PPIG: variants seen among roughly 807,000 people sequenced by gnomAD.
The protein encoded by PPIG is peptidylprolyl isomerase G.
Under a neutral mutation model 87.9 loss-of-function variants are expected in PPIG, and 26 were observed. The ratio of observed to expected loss-of-function variants is 0.30; its 90% CI spans 0.22 to 0.41. The LOEUF is 0.41. Among genes scored for constraint, PPIG ranks in the 10% least tolerant of loss-of-function variants. The probability of loss-of-function intolerance (pLI) is 1.00; values close to 1 mark genes in which losing one functional copy is unlikely to be tolerated. For missense variants in PPIG, 722 were observed against 879.4 expected (o/e 0.82, Z 2.26); for synonymous variants, 308 against 276.5 (o/e 1.11, Z -1.13).
intron 12 of PPIG, among the ~76,000 whole-genome samples, chr2:169,634,924 A>G (rs1426816954): frequency 6.6e-6 from 1 of 152,198 alleles, no homozygotes; most frequent in Non-Finnish European, 1.5e-5. Flanking sequence ...GGTTATATCT[A>G]TCAATATTTA....
chr2:169,599,335 T>C (rs896921920), intron 1 of PPIG, among the ~76,000 whole-genome samples: 1 of 152,212 alleles, frequency 6.6e-6, no homozygotes, highest in Non-Finnish European at 1.5e-5. Context: ...TACAATTATC[T>C]TTTTTCATGT....
intron 6 of PPIG, 132 bp downstream of exon 6, chr2:169,607,280 T>G: frequency 1.9e-6 from 1 of 537,110 alleles, no homozygotes; most frequent in Non-Finnish European, 3.1e-6. Context: ...ATCTGAAGGT[T>G]AATTTTCTGG....
At chr2:169,625,993 A>C (rs1228915833) in intron 9 of PPIG, among the ~76,000 whole-genome samples, 1 of 151,972 alleles carries the variant, frequency 6.6e-6, no homozygotes, top group Non-Finnish European at 1.5e-5. Context: ...CTTGCCTGCC[A>C]CTCACCTTCT....
At chr2:169,611,033 AC>A (rs1476127454) in intron 7 of PPIG, among the ~76,000 whole-genome samples, 1 of 152,102 alleles carries the variant, frequency 6.6e-6, no homozygotes, top group Non-Finnish European at 1.5e-5. Context: ...ACATGGTGAA[AC>A]CCAGTCTCTA....
rs1300920909 is a variant in PPIG at position 169,631,069 on chromosome 2, T to A, written c.761+82T>A. Reference sequence around the variant, plus strand: ...CTGTTAGGATTTTGGGTCAATTATATGAAACTGTTAAAATAGTGAGAAATA... The same window carrying A: ...CTGTTAGGATTTTGGGTCAATTATAAGAAACTGTTAAAATAGTGAGAAATA... On this transcript the variant is annotated intron_variant, in intron 10 of 13. Transcript: ENST00000260970. 3.2e-6 allele frequency: 4 copies of A among 1,241,596 alleles called. No homozygotes were observed. In the East Asian group the frequency reaches 7.6e-5, roughly 24 times the overall value. The allele number at this position is 1,241,596 out of a possible 1,614,324, so 76.9% of individuals were successfully genotyped here. A position where few individuals can be genotyped will look rare whatever the true frequency, so the allele number is the denominator to read the frequency against.
In PPIG at chr2:169,641,069, G is replaced by A. The variant is rs1344549585; in HGVS notation, c.*3546G>A. ...GCTGTATATTTTCTTCCCCTTTTGT[G>A]TGTATATAGTATTTTGAAAGATAAA... On this transcript the variant is annotated 3_prime_UTR_variant, in exon 14 of 14. Transcript: ENST00000260970. 3 of 152,090 alleles carry A rather than the reference G, an allele frequency of 2.0e-5. No homozygotes were observed. Among genetic ancestry groups the A allele is most frequent in the African/African-American group, 7.2e-5 (3 of 41,396 alleles). The allele number at this position is 152,090 out of a possible 1,614,324, so 9.4% of individuals were successfully genotyped here. A position where few individuals can be genotyped will look rare whatever the true frequency, so the allele number is the denominator to read the frequency against.
intron 1 of PPIG, among the ~76,000 whole-genome samples, chr2:169,595,428 C>T (rs1039993830): frequency 8.5e-5 from 13 of 152,162 alleles, no homozygotes; most frequent in African/African-American, 3.1e-4. Flanking sequence ...CAGTTATACT[C>T]TTTATTTTTA....
chr2:169,601,155 C>T lies in PPIG; in HGVS notation c.-69-2487C>T, dbSNP rs545004497. ...TTTCTTGGCTTGTGTTACAATGAAA[C>T]TGCCATATAGTATTAAATAGCATTT... On this transcript the variant is annotated intron_variant, in intron 1 of 13. Coordinates refer to ENST00000260970, the MANE Select transcript of PPIG (RefSeq NM_004792.3). Among the ~76,000 whole-genome samples the T allele has an allele frequency of 3.3e-5, 5 of 152,294 alleles. No homozygotes were observed. In the South Asian group the frequency reaches 1.0e-3, roughly 32 times the overall value.
intron 1 of PPIG, among the ~76,000 whole-genome samples, chr2:169,588,871 A>C (rs997154775): frequency 6.6e-6 from 1 of 150,744 alleles, no homozygotes; most frequent in African/African-American, 2.4e-5. Context: ...AGGCAGGAGA[A>C]TCGCTTGAAC....
chr2:169,589,351 T>G (rs1245464334), intron 1 of PPIG, among the ~76,000 whole-genome samples: 1 of 152,222 alleles, frequency 6.6e-6, no homozygotes, highest in East Asian at 1.9e-4. Flanking sequence ...TCTACTTTAT[T>G]CATTAGCAAC....
intron 1 of PPIG, among the ~76,000 whole-genome samples, chr2:169,586,050 C>T (rs1270011226): frequency 6.6e-6 from 1 of 152,058 alleles, no homozygotes; most frequent in African/African-American, 2.4e-5. Flanking sequence ...TGAAAATTTA[C>T]CCGTTTTAGC....
intron 1 of PPIG, among the ~76,000 whole-genome samples, chr2:169,603,411 T>C (rs1014686839): frequency 4.6e-5 from 7 of 152,284 alleles, no homozygotes; most frequent in Admixed American, 3.3e-4. Flanking sequence ...CAGTAAAGGC[T>C]GTTGCTCAGA....
chr2:169,618,125 C>G (rs1685650310), intron 9 of PPIG, among the ~76,000 whole-genome samples: 1 of 152,100 alleles, frequency 6.6e-6, no homozygotes, highest in Non-Finnish European at 1.5e-5. Flanking sequence ...TGGTTTTTGT[C>G]ACTGGTTCTG....
In PPIG at chr2:169,604,194, A is replaced by G. The variant is rs1372104715; in HGVS notation, c.69A>G (p.Arg23=). The G allele has an allele frequency of 6.2e-7, 1 of 1,613,224 alleles. No individual in the cohort carries two copies. Among genetic ancestry groups the G allele is most frequent in the Non-Finnish European group, 8.5e-7 (1 of 1,179,754 alleles). Residue 23 remains arginine, a synonymous_variant, in exon 4 of 14, where the codon AGA becomes AGG. Coordinates refer to ENST00000260970, the MANE Select transcript of PPIG (RefSeq NM_004792.3). ...AACTACCTTCTTTTTCAGCTGGAAG[A>G]GTTGTCTTTGAATTATTTTCTGATG... ...DIAINNQPAG[R]VVFELFSDVC...
intron 7 of PPIG, among the ~76,000 whole-genome samples, chr2:169,613,664 C>T (rs536263620): frequency 6.6e-6 from 1 of 152,280 alleles, no homozygotes; most frequent in African/African-American, 2.4e-5. Flanking sequence ...GGCAATGACT[C>T]ATACTTGTAA....
chr2:169,625,040 GATTAAATCAAGCTATTTA>G (rs1685849055), intron 9 of PPIG, among the ~76,000 whole-genome samples: 1 of 152,144 alleles, frequency 6.6e-6, no homozygotes, highest in Non-Finnish European at 1.5e-5. Flanking sequence ...AATGCAGAAT[GATTAAATCAAGCTATTTA>G]ACATAGCTGT....
chr2:169,594,608 G>A (rs1245666106), intron 1 of PPIG, among the ~76,000 whole-genome samples: 1 of 140,990 alleles, frequency 7.1e-6, no homozygotes, highest in African/African-American at 2.6e-5. Flanking sequence ...TTCTTCTTCA[G>A]TTTTACTCTT....
rs560802745 is a variant in PPIG, at chr2:169,638,471, A to G, written c.*948A>G. On this transcript the variant is annotated 3_prime_UTR_variant, in exon 14 of 14. Transcript: ENST00000260970. ...CTCTTTTTTGGCCTCCAACCTATAT[A>G]GAATTGAGTGTTAACTCTGCATGGA... 1 of 151,976 alleles carries G rather than the reference A, an allele frequency of 6.6e-6. No individual in the cohort carries two copies. Among genetic ancestry groups the G allele is most frequent in the Non-Finnish European group, 1.5e-5 (1 of 67,908 alleles). 9.4% of individuals were successfully genotyped at this position (151,976 alleles called of 1,614,324 possible).
At chr2:169,592,042 G>A (rs980714797) in intron 1 of PPIG, among the ~76,000 whole-genome samples, 2 of 138,718 alleles carry the variant, frequency 1.4e-5, no homozygotes, top group African/African-American at 5.4e-5. Context: ...TCCTCCCACC[G>A]CAGCCTCCCA....
Sources: gnomAD v4.1 joint callset for allele counts (sites outside exome capture counted in the v4.1 genomes callset) on GRCh38, gnomAD v4.1.1 for gene constraint, MANE v1.5 for transcripts, NCBI Gene and HGNC (gene_info 2026-07-23, HGNC 2026-07-21) for gene names.